The following EDNRB variants were observed in gnomAD, a reference collection of about 807,000 sequenced individuals.
The protein encoded by EDNRB is Hirschsprung disease 2.
A neutral mutation model predicts 46.4 loss-of-function variants in EDNRB; 18 were observed. That is an observed-to-expected ratio of 0.39 (90% CI 0.27 to 0.57). The LOEUF is 0.57. EDNRB is among the 20% of genes least tolerant of loss of function. The pLI, the probability that EDNRB is intolerant of heterozygous loss-of-function variation, is 0.61. For missense variants in EDNRB, 434 were observed against 537.5 expected (o/e 0.81, Z 1.90); for synonymous variants, 213 against 204.9 (o/e 1.04, Z -0.34).
chr13:77,908,707 T>C (rs61963112), intron 1 of EDNRB, among the ~76,000 whole-genome samples: 12,596 of 152,032 alleles, frequency 0.083, 707 homozygotes, highest in Non-Finnish European at 0.12. Flanking sequence ...CTTTGGACTT[T>C]ACCCCATTAA....
intron 1 of EDNRB, among the ~76,000 whole-genome samples, chr13:77,960,860 GAAAA>G (rs34344431): frequency 1.7e-5 from 2 of 115,572 alleles, no homozygotes; most frequent in Non-Finnish European, 1.8e-5. Flanking sequence ...CAAGCAAATG[GAAAA>G]AAAAAAAAAA....
At chr13:77,942,590 T>C (rs1880786175) in intron 1 of EDNRB, among the ~76,000 whole-genome samples, 1 of 152,182 alleles carries the variant, frequency 6.6e-6, no homozygotes, top group Non-Finnish European at 1.5e-5. Context: ...ATTTGAATCA[T>C]TTATAGCAAT....
At chr13:77,952,477 T>C (rs1881119690) in intron 1 of EDNRB, among the ~76,000 whole-genome samples, 2 of 152,186 alleles carry the variant, frequency 1.3e-5, no homozygotes, top group South Asian at 4.1e-4. Flanking sequence ...CAGGAATGCC[T>C]AACTTTCTAA....
chr13:77,936,028 A>G (rs1228428857), intron 1 of EDNRB, among the ~76,000 whole-genome samples: 1 of 152,228 alleles, frequency 6.6e-6, no homozygotes, highest in Non-Finnish European at 1.5e-5. Context: ...CAGGTGAGTG[A>G]TAACAGGCTT....
chr13:77,949,847 G>A (rs890475452), intron 1 of EDNRB, among the ~76,000 whole-genome samples: 8 of 152,060 alleles, frequency 5.3e-5, no homozygotes, highest in Non-Finnish European at 7.4e-5. Flanking sequence ...TCTTTGCCCT[G>A]AGAAACTTCC....
At chr13:77,943,911 T>C (rs1029607512) in intron 1 of EDNRB, among the ~76,000 whole-genome samples, 1 of 152,096 alleles carries the variant, frequency 6.6e-6, no homozygotes, top group Non-Finnish European at 1.5e-5. Flanking sequence ...AATATAGTCC[T>C]TTTCTTTCAT....
In EDNRB at chr13:77,903,296, C is replaced by G. The variant is rs1879098198; in HGVS notation, c.661G>C (p.Glu221Gln). 1.2e-6 allele frequency: 2 copies of G among 1,612,858 alleles called. No homozygotes were observed. Among genetic ancestry groups the G allele is most frequent in the Non-Finnish European group, 1.7e-6 (2 of 1,179,368 alleles). The change falls in exon 3 of 7, where the codon GAA (glutamate) becomes CAA (glutamine). Residue 221 changes from glutamate to glutamine, a missense_variant. Coordinates refer to ENST00000646607, the MANE Select transcript of EDNRB (RefSeq NM_001122659.3). Reference sequence around the variant, plus strand: ...GAGACCACCCAAATCAAAACAATTTCTACTGCTGTCCATTTTGGAACCCCA... The same window carrying G: ...GAGACCACCCAAATCAAAACAATTTGTACTGCTGTCCATTTTGGAACCCCA... ...GIGVPKWTAV[E>Q]IVLIWVVSVV...
intron 1 of EDNRB, among the ~76,000 whole-genome samples, chr13:77,962,267 CT>C (rs1441656670): frequency 1.3e-5 from 2 of 152,174 alleles, no homozygotes; most frequent in Non-Finnish European, 2.9e-5. Flanking sequence ...GGAATCCCCC[CT>C]AACTCATTTT....
Position 77,918,802 on chromosome 13 carries a change from C to G in EDNRB, c.-229G>C. 1 of 1,317,064 alleles carries G rather than the reference C, an allele frequency of 7.6e-7. No homozygotes were observed. Among genetic ancestry groups the G allele is most frequent in the Non-Finnish European group, 9.6e-7 (1 of 1,038,520 alleles). The allele number at this position is 1,317,064 out of a possible 1,614,324, so 81.6% of individuals were successfully genotyped here. On this transcript the variant is annotated 5_prime_UTR_variant, in exon 1 of 7. Transcript: ENST00000646607. This position sits in a 1 kb window ranked among gnomAD's most constrained non-coding sequence, Gnocchi z 4.5. ...GACTCGCCAGCGCGGGTCGAAACTC[C>G]TTCCTGATGCCCTCTCAGCTGTTTT...
At chr13:77,963,586 G>T (rs1256277969) in intron 1 of EDNRB, among the ~76,000 whole-genome samples, 2 of 152,116 alleles carry the variant, frequency 1.3e-5, no homozygotes, top group Non-Finnish European at 2.9e-5. Context: ...GCTGAAACTG[G>T]ATCCCTTCCT....
In EDNRB at chr13:77,897,685, C is replaced by G. The variant is rs1878705138; in HGVS notation, c.*515G>C. The G allele has an allele frequency of 1.0e-6, 1 of 986,528 alleles. No individual in the cohort carries two copies. Among genetic ancestry groups the G allele is most frequent in the South Asian group, 4.7e-5 (1 of 21,402 alleles). 61.1% of individuals were successfully genotyped at this position (986,528 alleles called of 1,614,324 possible). On this transcript the variant is annotated 3_prime_UTR_variant, in exon 7 of 7. Coordinates refer to ENST00000646607, the MANE Select transcript of EDNRB (RefSeq NM_001122659.3). ...CGAAAAATGCAACAACTAAACTGCTCTCTCATTTGCATCTAATTACAATCT... is the reference window on the plus strand; with the variant it reads ...CGAAAAATGCAACAACTAAACTGCTGTCTCATTTGCATCTAATTACAATCT...
At chr13:77,952,743 C>G (rs757189923) in intron 1 of EDNRB, among the ~76,000 whole-genome samples, 1 of 152,098 alleles carries the variant, frequency 6.6e-6, no homozygotes, top group African/African-American at 2.4e-5. Flanking sequence ...TCTCATGATG[C>G]CCTGGACCTA....
chr13:77,951,763 T>A (rs1366118237), intron 1 of EDNRB, among the ~76,000 whole-genome samples: 1 of 152,060 alleles, frequency 6.6e-6, no homozygotes, highest in Non-Finnish European at 1.5e-5. Flanking sequence ...GTCTGTCAAG[T>A]GTCCGTGCCT....
At chr13:77,925,702 G>A (rs1335714997) in intron 1 of EDNRB, among the ~76,000 whole-genome samples, 1 of 152,230 alleles carries the variant, frequency 6.6e-6, no homozygotes, top group Non-Finnish European at 1.5e-5. Context: ...AGGCAGTGTA[G>A]AAGGGAAATG....
chr13:77,939,934 T>C (rs544809692), intron 1 of EDNRB: 1 of 151,792 alleles, frequency 6.6e-6, no homozygotes, highest in Non-Finnish European at 1.5e-5. Context: ...AGGTGGAGGT[T>C]GCGGCGAGTC....
chr13:77,940,496 G>T (rs778270797), intron 1 of EDNRB, among the ~76,000 whole-genome samples: 15 of 152,126 alleles, frequency 9.9e-5, no homozygotes, highest in Admixed American at 3.3e-4. Flanking sequence ...ATCTCAGAAT[G>T]CCTGGAATGG....
At chr13:77,968,260 G>T (rs999993493) in intron 1 of EDNRB, among the ~76,000 whole-genome samples, 5 of 151,738 alleles carry the variant, frequency 3.3e-5, no homozygotes, top group Admixed American at 1.3e-4. Flanking sequence ...TTTGCTCCTT[G>T]GTTGTAGAGG....
chr13:77,934,387 G>A (rs745720242), intron 1 of EDNRB, among the ~76,000 whole-genome samples: 4 of 152,076 alleles, frequency 2.6e-5, no homozygotes, highest in African/African-American at 7.2e-5. Flanking sequence ...GGATATAAAC[G>A]TTTCACTGGA....
chr13:77,952,865 C>A (rs1881132136), intron 1 of EDNRB, among the ~76,000 whole-genome samples: 1 of 152,112 alleles, frequency 6.6e-6, no homozygotes, highest in Non-Finnish European at 1.5e-5. Flanking sequence ...TGACCCCAGG[C>A]AAACTGCATT....
Sources: allele counts gnomAD v4.1 joint callset (sites outside exome capture counted in the v4.1 genomes callset), GRCh38; gene constraint gnomAD v4.1.1; non-coding constraint Gnocchi (gnomAD v3.1); transcripts MANE v1.5; gene names NCBI Gene and HGNC (gene_info 2026-07-23, HGNC 2026-07-21).